Variants in CASR observed in about 807,000 individuals in gnomAD.
The protein encoded by CASR is extracellular calcium-sensing receptor.
In CASR, 23 loss-of-function variants were observed where a neutral mutation model predicts 69.1. That is an observed-to-expected ratio of 0.33 (90% CI 0.24 to 0.47). The LOEUF (loss-of-function observed/expected upper bound fraction) is 0.47. CASR is among the 20% of genes least tolerant of loss of function. The pLI, the probability that CASR is intolerant of heterozygous loss-of-function variation, is 1.00. For missense variants in CASR, 924 were observed against 1,356.1 expected (o/e 0.68, Z 5.00); for synonymous variants, 541 against 544.7 (o/e 0.99, Z 0.10).
chr3:122,264,612 G>A (rs1257441672), intron 4 of CASR, among the ~76,000 whole-genome samples: 1 of 152,100 alleles, frequency 6.6e-6, no homozygotes, highest in Non-Finnish European at 1.5e-5. Context: ...ACTCTTACAT[G>A]GTCTGGAAAA....
chr3:122,187,654 G>C (rs7635606), intron 1 of CASR, among the ~76,000 whole-genome samples: 13 of 152,064 alleles, frequency 8.5e-5, no homozygotes, highest in Non-Finnish European at 1.9e-4. Flanking sequence ...AGGAGGTAAC[G>C]CTTGAGTTGA....
Position 122,282,101 on chromosome 3 carries a change from T to A in CASR, c.1609-12T>A, listed in dbSNP as rs1312143797. ...ACTACAGCCACTCACCTTTGTGCTG[T>A]CTGTCCTCCAGGTGCCCTTCTCCAA... is the stretch of plus-strand genomic sequence containing the variant. On this transcript the variant is annotated splice_polypyrimidine_tract_variant and intron_variant, in intron 5 of 6. Transcript: ENST00000639785. 1.2e-6 allele frequency: 2 copies of A among 1,614,220 alleles called. No individual in the cohort carries two copies. Among genetic ancestry groups the A allele is most frequent in the South Asian group, 1.1e-5 (1 of 91,086 alleles).
At position 122,291,064 on chromosome 3, in the gene CASR, A is replaced by AT. The variant is rs764439476; in HGVS notation, c.*5879dup. ...TCCCTACAAAGGACACGAACTCCTCATTTTTTATGGCTGCATAGTATTCCA... is the reference window on the plus strand; with the variant it reads ...TCCCTACAAAGGACACGAACTCCTCATTTTTTTATGGCTGCATAGTATTCCA... On this transcript the variant is annotated 3_prime_UTR_variant, in exon 7 of 7. Coordinates refer to ENST00000639785, the MANE Select transcript of CASR (RefSeq NM_000388.4). 6.8e-6 allele frequency: 1 copy of AT among 147,146 alleles called. No homozygotes were observed. The highest frequency in any genetic ancestry group is 1.5e-5 in the Non-Finnish European group (1 of 66,602). The allele number at this position is 147,146 out of a possible 1,614,324, so 9.1% of individuals were successfully genotyped here. A position where few individuals can be genotyped will look rare whatever the true frequency, so the allele number is the denominator to read the frequency against.
intron 4 of CASR, among the ~76,000 whole-genome samples, chr3:122,266,567 T>G (rs1352037809): frequency 6.6e-6 from 1 of 152,166 alleles, no homozygotes; most frequent in Non-Finnish European, 1.5e-5. Context: ...TACTAGCTTT[T>G]TTTGTTTCTC....
intron 1 of CASR, among the ~76,000 whole-genome samples, chr3:122,205,145 T>C (rs185651478): frequency 1.2e-4 from 18 of 152,234 alleles, no homozygotes; most frequent in Admixed American, 1.1e-3. Context: ...CCCAAAAAAA[T>C]CCTTGCCCAG....
At chr3:122,279,645 A>G (rs1344564229) in intron 5 of CASR, among the ~76,000 whole-genome samples, 1 of 152,200 alleles carries the variant, frequency 6.6e-6, no homozygotes. Flanking sequence ...AAAAGTATCT[A>G]TTAACATTTA....
intron 1 of CASR, among the ~76,000 whole-genome samples, chr3:122,219,607 T>C (rs3941358): frequency 0.9 from 137,326 of 152,244 alleles, 62,378 homozygotes; most frequent in Admixed American, 0.93. Context: ...TGCCTGGGGC[T>C]AGAAGTGGTA....
chr3:122,268,439 A>C (rs953969495), intron 4 of CASR, among the ~76,000 whole-genome samples: 6 of 152,192 alleles, frequency 3.9e-5, no homozygotes, highest in African/African-American at 1.4e-4. Context: ...CCCTCTGGGC[A>C]CCACATGCCT....
chr3:122,206,100 G>T (rs1260365700), intron 1 of CASR, among the ~76,000 whole-genome samples: 2 of 151,916 alleles, frequency 1.3e-5, no homozygotes, highest in Non-Finnish European at 2.9e-5. Flanking sequence ...AGGACTTCCA[G>T]TGCTGCATTG....
intron 4 of CASR, among the ~76,000 whole-genome samples, chr3:122,267,999 TG>T (rs2074713342): frequency 6.6e-6 from 1 of 152,222 alleles, no homozygotes; most frequent in Non-Finnish European, 1.5e-5. Context: ...ACTTAATAGA[TG>T]TCTAATTTCA....
At position 122,284,091 on chromosome 3, in the gene CASR, A is replaced by G. The variant is rs756476394; in HGVS notation, c.2137A>G (p.Ser713Gly). The G allele has an allele frequency of 1.2e-6, 2 of 1,613,974 alleles. No individual in the cohort carries two copies. Among genetic ancestry groups the G allele is most frequent in the East Asian group, 4.5e-5 (2 of 44,882 alleles). The change falls in exon 7 of 7, where the codon AGC becomes GGC. Residue 713 changes from serine to glycine, a missense_variant. Ser to Gly is a moderately conservative substitution (Grantham distance 56). This residue lies in a region of CASR where 184 missense variants were observed against 278.8 expected (regional missense o/e 0.66). Coordinates refer to ENST00000639785, the MANE Select transcript of CASR (RefSeq NM_000388.4). ...GGTGTTTGAGGCCAAGATCCCCACC[A>G]GCTTCCACCGCAAGTGGTGGGGGCT... ...LLVFEAKIPT[S>G]FHRKWWGLNL...
At chr3:122,223,799 C>G (rs2074196744) in intron 1 of CASR, among the ~76,000 whole-genome samples, 1 of 152,144 alleles carries the variant, frequency 6.6e-6, no homozygotes. Context: ...CAACAAAATA[C>G]TAACAAACCT....
intron 1 of CASR, among the ~76,000 whole-genome samples, chr3:122,193,321 A>G (rs1464064009): frequency 2.0e-5 from 3 of 151,858 alleles, no homozygotes; most frequent in African/African-American, 7.3e-5. Flanking sequence ...GGTTCAAGCA[A>G]TTCTCCTGCC....
chr3:122,209,460 C>G (rs1211437740), intron 1 of CASR, among the ~76,000 whole-genome samples: 2 of 152,178 alleles, frequency 1.3e-5, no homozygotes, highest in Non-Finnish European at 1.5e-5. Context: ...GCCTCACAAT[C>G]ATGGCAAAAG....
rs112631149 is a variant in CASR, at chr3:122,279,443, G to A, written c.1609-2670G>A. Among the ~76,000 whole-genome samples the A allele has an allele frequency of 6.9e-3, 1,046 of 152,258 alleles. 10 individuals carry two copies. The highest frequency in any genetic ancestry group is 0.024 in the African/African-American group (989 of 41,548). On this transcript the variant is annotated intron_variant, in intron 5 of 6. Coordinates refer to ENST00000639785, the MANE Select transcript of CASR (RefSeq NM_000388.4). ...TTATAGGACAATATTGTTTGTATAC[G>A]TAGATGCTCAAATCCTAAATAAAAT...
chr3:122,209,462 TGG>T (rs1331936286), intron 1 of CASR, among the ~76,000 whole-genome samples: 1 of 152,208 alleles, frequency 6.6e-6, no homozygotes, highest in East Asian at 1.9e-4. Flanking sequence ...CTCACAATCA[TGG>T]CAAAAGGCAA....
At chr3:122,250,759 T>C (rs1337294147) in intron 1 of CASR, among the ~76,000 whole-genome samples, 1 of 152,246 alleles carries the variant, frequency 6.6e-6, no homozygotes, top group Non-Finnish European at 1.5e-5. Flanking sequence ...TCGATAAACA[T>C]TTATTCAGCA....
chr3:122,206,079 T>C (rs2074003787), intron 1 of CASR, among the ~76,000 whole-genome samples: 1 of 152,072 alleles, frequency 6.6e-6, no homozygotes, highest in East Asian at 1.9e-4. Flanking sequence ...TTTGCCTAAT[T>C]ATTCTAGCCA....
chr3:122,252,417 G>GAAAGA (rs2074502118), intron 1 of CASR, among the ~76,000 whole-genome samples: 1 of 28,634 alleles, frequency 3.5e-5, no homozygotes. Flanking sequence ...GAAAAAGAAA[G>GAAAGA]AAAGAAAGAA....
Sources: allele counts gnomAD v4.1 joint callset (sites outside exome capture counted in the v4.1 genomes callset), GRCh38; gene constraint gnomAD v4.1.1; regional missense constraint gnomAD v4.1.1; transcripts MANE v1.5; gene names NCBI Gene and HGNC (gene_info 2026-07-23, HGNC 2026-07-21).